Variants in FAT1 observed in about 807,000 individuals in gnomAD.
FAT1 encodes the protein protocadherin Fat 1.
In FAT1, 171 loss-of-function variants were observed where a neutral mutation model predicts 329.8. That is an observed-to-expected ratio of 0.52 (90% CI 0.46 to 0.59). The LOEUF (loss-of-function observed/expected upper bound fraction) is 0.59. FAT1 is among the 20% of genes least tolerant of loss of function. The probability of loss-of-function intolerance (pLI) is 0.00; values close to 1 mark genes in which losing one functional copy is unlikely to be tolerated. For missense variants in FAT1, 5,672 were observed against 5,774.4 expected, an observed-to-expected ratio of 0.98 and a Z score of 0.57; for synonymous variants, 2,233 against 2,228.6, an observed-to-expected ratio of 1.00 and a Z score of -0.06.
At chr4:186,681,781 T>C (rs1172886108) in intron 2 of FAT1, among the ~76,000 whole-genome samples, 1 of 152,236 alleles carries the variant, frequency 6.6e-6, no homozygotes, top group East Asian at 1.9e-4. Flanking sequence ...GAGCTACTTT[T>C]ATAAAACGTT....
intron 2 of FAT1, among the ~76,000 whole-genome samples, chr4:186,691,302 C>G (rs1208545690): frequency 2.6e-5 from 4 of 152,276 alleles, no homozygotes; most frequent in African/African-American, 7.2e-5. Flanking sequence ...AGATTCATCT[C>G]TAACACCAAA....
chr4:186,715,543 G>C (rs1378075721), intron 1 of FAT1, among the ~76,000 whole-genome samples: 1 of 152,198 alleles, frequency 6.6e-6, no homozygotes, highest in South Asian at 2.1e-4. Context: ...AAACCACCCT[G>C]ATCAAAACAA....
At chr4:186,606,956 G>C (rs991095004) in intron 16 of FAT1, among the ~76,000 whole-genome samples, 1 of 152,190 alleles carries the variant, frequency 6.6e-6, no homozygotes, top group African/African-American at 2.4e-5. Flanking sequence ...AATACCACAG[G>C]CTAGCTCCTT....
In FAT1 at chr4:186,708,815, G is replaced by A. The variant is rs1744787665; in HGVS notation, c.1013C>T (p.Ala338Val). Residue 338 changes from alanine to valine, a missense_variant, in exon 2 of 27, where the codon GCT (alanine) becomes GTT (valine). Physicochemically the swap from Ala to Val is moderately conservative, Grantham distance 64. This residue lies in a region of FAT1 where 3,966 missense variants were observed against 3,915.2 expected (regional missense o/e 1.01). Coordinates refer to ENST00000441802, the MANE Select transcript of FAT1 (RefSeq NM_005245.4). ...CTGGGGCGGAGTTCCTTTATCTTTA[G>A]CCTGTAGTGTGAGATTGTAGCCGAA... ...HPFGYNLTLQ[A>V]KDKGTPPQFS... The A allele has an allele frequency of 6.2e-7, 1 of 1,613,926 alleles. No individual in the cohort carries two copies. The highest frequency in any genetic ancestry group is 2.2e-5 in the East Asian group (1 of 44,870).
intron 20 of FAT1, 62 bp downstream of exon 20, chr4:186,602,841 T>C (rs963675992): frequency 5.2e-6 from 8 of 1,529,474 alleles, no homozygotes; most frequent in Non-Finnish European, 6.2e-6. Flanking sequence ...AAGAAGAAAA[T>C]GGTAAGAAAC....
rs981587891 is a variant in FAT1, at chr4:186,596,449, T to A, written c.13000+91A>T. 7.2e-7 allele frequency: 1 copy of A among 1,384,332 alleles called. No individual in the cohort carries two copies. Among genetic ancestry groups the A allele is most frequent in the Non-Finnish European group, 9.9e-7 (1 of 1,014,338 alleles). 85.8% of individuals were successfully genotyped at this position (1,384,332 alleles called of 1,614,324 possible). On this transcript the variant is annotated intron_variant, in intron 25 of 26. Coordinates refer to ENST00000441802, the MANE Select transcript of FAT1 (RefSeq NM_005245.4). The surrounding 1 kb of genome is among the most constrained non-coding windows in gnomAD (Gnocchi z 4.7). The stretch of plus-strand genomic sequence containing the variant: ...TCAGTCTGAGCATACTTGTCTCTAA[T>A]GAAGAGTACACACATTTTGACTGGA...
intron 3 of FAT1, among the ~76,000 whole-genome samples, chr4:186,652,059 C>T (rs11132406): frequency 0.34 from 52,376 of 152,096 alleles, 9,401 homozygotes; most frequent in Middle Eastern, 0.43. Flanking sequence ...ATGGATCAAA[C>T]GACTAGTCTA....
intron 1 of FAT1, among the ~76,000 whole-genome samples, chr4:186,723,430 GTCCCGCGCGGTCGCCTCCTTT>G (rs1216218906): frequency 2.0e-5 from 3 of 152,232 alleles, no homozygotes; most frequent in Non-Finnish European, 4.4e-5. Context: ...CCCCGGATCG[GTCCCGCGCGGTCGCCTCCTTT>G]TCCCGCTCCG....
intron 3 of FAT1, among the ~76,000 whole-genome samples, chr4:186,661,244 C>T (rs575360810): frequency 3.2e-4 from 49 of 152,272 alleles, no homozygotes; most frequent in African/African-American, 9.9e-4. Context: ...AATCTCTCTC[C>T]GGGCCACCTG....
Position 186,619,820 on chromosome 4 carries a change from C to A in FAT1, c.6766G>T (p.Ala2256Ser), listed in dbSNP as rs752611276. 4.3e-6 allele frequency: 7 copies of A among 1,614,004 alleles called. No homozygotes were observed. Among genetic ancestry groups the A allele is most frequent in the Non-Finnish European group, 5.9e-6 (7 of 1,179,900 alleles). Residue 2256 changes from alanine (A) to serine (S), a missense_variant, in exon 10 of 27, where the codon GCA becomes TCA. By Grantham distance (99) the Ala-to-Ser change is moderately conservative. Coordinates refer to ENST00000441802, the MANE Select transcript of FAT1 (RefSeq NM_005245.4). ...TGAGCGCCCGTCAAGGAGTCAGTTG[C>A]GCGTATGCTCAGCTTATATGCCGGG... is the stretch of plus-strand genomic sequence containing the variant. ...AHPAYKLSIRATDSLTGAHAE... is the reference protein window; with the variant it reads ...AHPAYKLSIRSTDSLTGAHAE...
Position 186,628,385 on chromosome 4 carries a change from A to G in FAT1, c.4600-21T>C, listed in dbSNP as rs200623420. The G allele has an allele frequency of 1.9e-5, 30 of 1,610,846 alleles. No individual in the cohort carries two copies. The East Asian group carries it at 6.7e-4, about 36-fold the overall frequency. ...CGTACCTAAAAAGAATTGACACATTATCAATCCCATTGGTGCTTTCCTTAT... is the reference window on the plus strand; with the variant it reads ...CGTACCTAAAAAGAATTGACACATTGTCAATCCCATTGGTGCTTTCCTTAT... On this transcript the variant is annotated intron_variant, in intron 8 of 26. Coordinates refer to ENST00000441802, the MANE Select transcript of FAT1 (RefSeq NM_005245.4).
intron 2 of FAT1, among the ~76,000 whole-genome samples, chr4:186,696,219 A>G (rs1197518564): frequency 6.6e-6 from 1 of 152,254 alleles, no homozygotes; most frequent in Non-Finnish European, 1.5e-5. Flanking sequence ...ACATATGGAT[A>G]TTACTCATGT....
chr4:186,723,714 G>A lies in FAT1; in HGVS notation c.-69C>T, dbSNP rs1745570660. On this transcript the variant is annotated 5_prime_UTR_variant, in exon 1 of 27. The change creates a new upstream start codon in the 5' untranslated region. Coordinates refer to ENST00000441802, the MANE Select transcript of FAT1 (RefSeq NM_005245.4). ...GGCGCTCTCGTGGAGCTCACCCGCCGTCTCAGCGCGCCCCCGAGCAGGGAC... is the reference window on the plus strand; with the variant it reads ...GGCGCTCTCGTGGAGCTCACCCGCCATCTCAGCGCGCCCCCGAGCAGGGAC... The A allele has an allele frequency of 6.6e-6, 1 of 151,086 alleles. No individual in the cohort carries two copies. The highest frequency in any genetic ancestry group is 1.5e-5 in the Non-Finnish European group (1 of 67,766). The allele number at this position is 151,086 out of a possible 1,614,324, so 9.4% of individuals were successfully genotyped here. A position where few individuals can be genotyped will look rare whatever the true frequency, so the allele number is the denominator to read the frequency against.
In FAT1 at chr4:186,596,933, G is replaced by A. The variant is rs767899323; in HGVS notation, c.12607C>T (p.Arg4203Cys). The change falls in exon 25 of 27, where the codon CGT becomes TGT. Residue 4203 changes from arginine to cysteine, a missense_variant. Physicochemically the swap from Arg to Cys is radical, Grantham distance 180 (BLOSUM62 -3). Around this residue, in one of 2 missense-constraint regions of FAT1, gnomAD observed 1,706 missense variants for 1,859.1 expected, o/e 0.92. Coordinates refer to ENST00000441802, the MANE Select transcript of FAT1 (RefSeq NM_005245.4). The surrounding 1 kb of genome is among the most constrained non-coding windows in gnomAD (Gnocchi z 4.7). Reference protein sequence around the residue: ...FLLVVVFVLCRKMISRKKKHQ... With the variant: ...FLLVVVFVLCCKMISRKKKHQ... ...TTCTTTTTCCGACTAATCATCTTAC[G>A]GCAGAGAACAAACACCACCACCAGT... 11 of 1,613,724 alleles carry A rather than the reference G, an allele frequency of 6.8e-6. No homozygotes were observed. The highest frequency in any genetic ancestry group is 2.7e-5 in the African/African-American group (2 of 74,846).
At chr4:186,718,892 T>C (rs536360051) in intron 1 of FAT1, among the ~76,000 whole-genome samples, 1 of 152,084 alleles carries the variant, frequency 6.6e-6, no homozygotes, top group East Asian at 1.9e-4. Context: ...CACAAGCTAA[T>C]GTCAAACCAA....
chr4:186,675,735 C>T (rs911280679), intron 2 of FAT1, among the ~76,000 whole-genome samples: 16 of 150,942 alleles, frequency 1.1e-4, no homozygotes, highest in Admixed American at 2.7e-4. Flanking sequence ...GAGTGAGACC[C>T]TGTCTAAAAC....
In FAT1 at chr4:186,708,809, T is replaced by C. The variant is rs780359919; in HGVS notation, c.1019A>G (p.Asp340Gly). The change falls in exon 2 of 27, where the codon GAT becomes GGT. Residue 340 changes from aspartate (D) to glycine (G), a missense_variant. Asp to Gly is a moderately conservative substitution (Grantham distance 94, BLOSUM62 -1). Around this residue, in one of 2 missense-constraint regions of FAT1, gnomAD observed 3,966 missense variants for 3,915.2 expected, o/e 1.01. Transcript: ENST00000441802. ...AGAGAACTGGGGCGGAGTTCCTTTA[T>C]CTTTAGCCTGTAGTGTGAGATTGTA... The part of the protein sequence containing the change: ...FGYNLTLQAK[D>G]KGTPPQFSSV... 9 of 1,613,864 alleles carry C rather than the reference T, an allele frequency of 5.6e-6. No homozygotes were observed. Among genetic ancestry groups the C allele is most frequent in the Non-Finnish European group, 7.6e-6 (9 of 1,179,898 alleles).
rs1008654148 is a variant in FAT1, at chr4:186,618,809, C to A, written c.7777G>T (p.Ala2593Ser). 6.2e-7 allele frequency: 1 copy of A among 1,613,998 alleles called. No individual in the cohort carries two copies. Residue 2593 changes from alanine (A) to serine (S), a missense_variant, in exon 10 of 27, where the codon GCA becomes TCA. Coordinates refer to ENST00000441802, the MANE Select transcript of FAT1 (RefSeq NM_005245.4). ...NVILTDDNDN[A>S]PQFRATKYEV... ...TATTTGGTTGCTCGAAATTGTGGTG[C>A]ATTGTCATTGTCATCTGTAAGGATG...
chr4:186,619,675 T>C lies in FAT1; in HGVS notation c.6911A>G (p.Gln2304Arg), dbSNP rs759829252. Residue 2304 changes from glutamine (Q) to arginine (R), a missense_variant, in exon 10 of 27, where the codon CAA becomes CGA. Gln to Arg is a conservative substitution (Grantham distance 43, BLOSUM62 1). Around this residue, in one of 2 missense-constraint regions of FAT1, gnomAD observed 3,966 missense variants for 3,915.2 expected, o/e 1.01. Transcript: ENST00000441802. ...EASVIGTSVV[Q>R]VRATDSDSEP... ...TGAATCAGAATCGGTGGCTCTAACT[T>C]GAACAACAGACGTTCCAATTACAGA... The C allele has an allele frequency of 6.2e-7, 1 of 1,613,906 alleles. No homozygotes were observed. Among genetic ancestry groups the C allele is most frequent in the African/African-American group, 1.3e-5 (1 of 74,926 alleles).
Sources: gnomAD v4.1 joint callset for allele counts (sites outside exome capture counted in the v4.1 genomes callset) on GRCh38, gnomAD v4.1.1 for gene constraint, gnomAD v4.1.1 regional missense constraint, Gnocchi (gnomAD v3.1) non-coding constraint, MANE v1.5 for transcripts, NCBI Gene and HGNC (gene_info 2026-07-23, HGNC 2026-07-21) for gene names.